Variants in RANBP2 observed in about 807,000 individuals in gnomAD.
RANBP2 encodes the protein E3 SUMO-protein ligase RanBP2.
Under a neutral mutation model 303.6 loss-of-function variants are expected in RANBP2, and 57 were observed. The ratio of observed to expected loss-of-function variants is 0.19; its 90% CI spans 0.15 to 0.23. The LOEUF (loss-of-function observed/expected upper bound fraction) is 0.23, where lower values mean the gene tolerates loss of function less well. RANBP2 is among the 10% of genes least tolerant of loss of function. The pLI, the probability that RANBP2 is intolerant of heterozygous loss-of-function variation, is 1.00. For synonymous variants in RANBP2, 1,167 were observed against 1,301.5 expected, an observed-to-expected ratio of 0.90 and a Z score of 2.23; for missense variants, 3,138 against 3,780.8, an observed-to-expected ratio of 0.83 and a Z score of 4.46.
At chr2:109,538,490 T>C in the RANBP2 span, among the ~76,000 whole-genome samples, 1 of 152,206 alleles carries the variant, frequency 6.6e-6, no homozygotes, top group African/African-American at 2.4e-5. Flanking sequence ...AATAAAGTTA[T>C]CTCAGCCTGA....
the RANBP2 span, among the ~76,000 whole-genome samples, chr2:109,697,501 A>G: frequency 6.6e-6 from 1 of 151,626 alleles, no homozygotes; most frequent in East Asian, 1.9e-4. Context: ...AAAAAAAAAA[A>G]GAGGCTTTTT....
chr2:109,046,129 C>G, the RANBP2 span, among the ~76,000 whole-genome samples: 1 of 151,464 alleles, frequency 6.6e-6, no homozygotes, highest in Admixed American at 6.6e-5. Flanking sequence ...AGGGTGAAAC[C>G]CCGTCTCTAC....
At chr2:109,552,912 T>C in the RANBP2 span, 1 of 709,408 alleles carries the variant, frequency 1.4e-6, no homozygotes, top group African/African-American at 1.8e-5. Flanking sequence ...AAAGTTTTCA[T>C]TTAATTTCAG....
the RANBP2 span, among the ~76,000 whole-genome samples, chr2:108,845,492 A>G: frequency 1.3e-5 from 2 of 152,282 alleles, no homozygotes; most frequent in South Asian, 2.1e-4. Flanking sequence ...GGGTCATAAT[A>G]AAGGAAATTT....
chr2:108,908,169 A>C, the RANBP2 span: 8 of 845,614 alleles, frequency 9.5e-6, no homozygotes, highest in South Asian at 1.5e-4. Context: ...CCTTGTGGGC[A>C]CGGGACCAGG....
the RANBP2 span, among the ~76,000 whole-genome samples, chr2:109,444,470 CAG>C: frequency 7.2e-5 from 11 of 152,194 alleles, no homozygotes; most frequent in East Asian, 1.9e-4. Context: ...CTGTGAGAAT[CAG>C]GGGACCAGAG....
At chr2:109,241,741 C>G in the RANBP2 span, among the ~76,000 whole-genome samples, 2 of 151,938 alleles carry the variant, frequency 1.3e-5, no homozygotes, top group Non-Finnish European at 2.9e-5. Flanking sequence ...TGTTCCCACC[C>G]TGCGTGTTTC....
chr2:109,371,267 G>A, the RANBP2 span, among the ~76,000 whole-genome samples: 1 of 152,254 alleles, frequency 6.6e-6, no homozygotes, highest in Admixed American at 6.5e-5. Flanking sequence ...GCACACGCCT[G>A]TAATCCCAGC....
At chr2:109,031,112 G>GT in the RANBP2 span, among the ~76,000 whole-genome samples, 1 of 152,252 alleles carries the variant, frequency 6.6e-6, no homozygotes. Flanking sequence ...TTGGGCAATG[G>GT]TAAGAACTCC....
At chr2:109,679,962 T>G in the RANBP2 span, among the ~76,000 whole-genome samples, 1 of 151,902 alleles carries the variant, frequency 6.6e-6, no homozygotes, top group African/African-American at 2.4e-5. Context: ...GCAGACGAAA[T>G]CAGTCAAAAG....
chr2:109,513,567 CCA>C, the RANBP2 span, among the ~76,000 whole-genome samples: 3 of 152,086 alleles, frequency 2.0e-5, no homozygotes, highest in Non-Finnish European at 2.9e-5. Flanking sequence ...CATGCACACA[CCA>C]CACAAGCCAC....
the RANBP2 span, among the ~76,000 whole-genome samples, chr2:109,062,583 T>G: frequency 6.6e-6 from 1 of 152,068 alleles, no homozygotes; most frequent in African/African-American, 2.4e-5. Context: ...CCCCCTCCTG[T>G]CCCCAAAGCC....
the RANBP2 span, chr2:109,574,825 T>C: frequency 1.6e-5 from 20 of 1,278,544 alleles, no homozygotes; most frequent in Middle Eastern, 2.1e-4. Context: ...AAGATATCTG[T>C]GCAACTCTTA....
At chr2:108,875,653 T>C in the RANBP2 span, among the ~76,000 whole-genome samples, 23 of 152,074 alleles carry the variant, frequency 1.5e-4, no homozygotes, top group Non-Finnish European at 2.9e-4. Flanking sequence ...AGCCCAGAAG[T>C]TCAAGACCAG....
chr2:108,747,988 G>A (rs1208638064), intron 8 of RANBP2, among the ~76,000 whole-genome samples: 3 of 152,176 alleles, frequency 2.0e-5, no homozygotes. Context: ...CTTGGCAACT[G>A]CTAATCTGTC....
chr2:109,532,889 GCTGCCTAAAATCTC>G, the RANBP2 span, among the ~76,000 whole-genome samples: 7 of 152,176 alleles, frequency 4.6e-5, no homozygotes, highest in Admixed American at 4.6e-4. Context: ...TTCGGCCCCA[GCTGCCTAAAATCTC>G]CTGCTTCCTT....
the RANBP2 span, among the ~76,000 whole-genome samples, chr2:109,335,581 A>T: frequency 6.6e-6 from 1 of 151,948 alleles, no homozygotes; most frequent in East Asian, 1.9e-4. Flanking sequence ...CCCCTGGTTT[A>T]TGTGTCCCCT....
At chr2:108,873,432 C>T in the RANBP2 span, 3 of 1,566,804 alleles carry the variant, frequency 1.9e-6, no homozygotes, top group Non-Finnish European at 2.6e-6. Flanking sequence ...TAGTAAAGCA[C>T]TGTTGATTTG....
At chr2:109,568,327 T>C in the RANBP2 span, among the ~76,000 whole-genome samples, 1 of 151,612 alleles carries the variant, frequency 6.6e-6, no homozygotes, top group Admixed American at 6.6e-5. Context: ...CTCCTGTATA[T>C]ATACACCCCT....
Sources: allele counts gnomAD v4.1 joint callset (sites outside exome capture counted in the v4.1 genomes callset), GRCh38; gene constraint gnomAD v4.1.1; transcripts MANE v1.5; gene names NCBI Gene and HGNC (gene_info 2026-07-23, HGNC 2026-07-21).